The following TIAM2 variants were observed in gnomAD, a reference collection of about 807,000 sequenced individuals.
TIAM2 encodes the protein rho guanine nucleotide exchange factor TIAM2.
In TIAM2, 80 loss-of-function variants were observed where a neutral mutation model predicts 152.9. The ratio of observed to expected loss-of-function variants is 0.52; its 90% CI spans 0.44 to 0.63. TIAM2 has a LOEUF of 0.63. TIAM2 is among the 30% of genes least tolerant of loss of function. The probability of loss-of-function intolerance (pLI) is 0.00; values close to 1 mark genes in which losing one functional copy is unlikely to be tolerated. For synonymous variants in TIAM2, 804 were observed against 838.0 expected, an observed-to-expected ratio of 0.96 and a Z score of 0.70; for missense variants, 1,965 against 2,120.1, an observed-to-expected ratio of 0.93 and a Z score of 1.44.
chr6:155,156,638 A>G lies in TIAM2; in HGVS notation c.2029-7777A>G, dbSNP rs1780123163. Among the ~76,000 whole-genome samples, 1 of 152,208 alleles carries G rather than the reference A, an allele frequency of 6.6e-6. No homozygotes were observed. The highest frequency in any genetic ancestry group is 2.4e-5 in the African/African-American group (1 of 41,460). On this transcript the variant is annotated intron_variant, in intron 7 of 26. Coordinates refer to ENST00000682666, the MANE Select transcript of TIAM2 (RefSeq NM_012454.4). This position sits in a 1 kb window ranked among gnomAD's most constrained non-coding sequence, Gnocchi z 4.4. ...ACACCATTGCACTCCAGCCTGGGCA[A>G]CAGAGTGATATGTCTCAAAATAAAT... is the stretch of plus-strand genomic sequence containing the variant.
chr6:155,089,851 A>T (rs1778260099), intron 1 of TIAM2, among the ~76,000 whole-genome samples: 1 of 152,140 alleles, frequency 6.6e-6, no homozygotes, highest in South Asian at 2.1e-4. Context: ...TTTCTCTCTC[A>T]TTCACCGCTT....
At chr6:155,228,793 C>T (rs916277995) in intron 15 of TIAM2, among the ~76,000 whole-genome samples, 3 of 152,086 alleles carry the variant, frequency 2.0e-5, no homozygotes, top group African/African-American at 4.8e-5. Flanking sequence ...CACACAAGCC[C>T]GACGCTCCTC....
chr6:155,047,190 T>C (rs1777194088), intron 1 of TIAM2, among the ~76,000 whole-genome samples: 1 of 152,148 alleles, frequency 6.6e-6, no homozygotes, highest in African/African-American at 2.4e-5. Flanking sequence ...ATTTTACTTT[T>C]TTGAGATGGG....
intron 1 of TIAM2, among the ~76,000 whole-genome samples, chr6:155,064,710 G>T (rs760601433): frequency 6.6e-6 from 1 of 152,164 alleles, no homozygotes; most frequent in Non-Finnish European, 1.5e-5. Flanking sequence ...CTAATAACTT[G>T]TGTGCATGCA....
At chr6:155,007,415 C>T (rs759613132) in intron 1 of TIAM2, among the ~76,000 whole-genome samples, 2 of 148,012 alleles carry the variant, frequency 1.4e-5, no homozygotes, top group African/African-American at 2.5e-5. Flanking sequence ...GAGGGAGTCT[C>T]GCTCTGTCGC....
At chr6:155,253,681 T>C (rs559871260) in intron 24 of TIAM2, 15 of 285,278 alleles carry the variant, frequency 5.3e-5, no homozygotes, top group African/African-American at 2.4e-4. Context: ...GCAAAGGAGG[T>C]TGAAGAATAG....
chr6:155,007,034 C>G (rs1328746751), intron 1 of TIAM2, among the ~76,000 whole-genome samples: 1 of 152,192 alleles, frequency 6.6e-6, no homozygotes, highest in Non-Finnish European at 1.5e-5. Context: ...CCATGTTGCT[C>G]AGGCTGGTCT....
At chr6:155,029,417 C>G (rs866921953) in intron 1 of TIAM2, among the ~76,000 whole-genome samples, 8 of 72,472 alleles carry the variant, frequency 1.1e-4, no homozygotes, top group African/African-American at 2.2e-4. Context: ...ATAATATATA[C>G]TATATATACT....
rs1166707623 is a variant in TIAM2 at position 155,023,247 on chromosome 6, A to AGGTACCT, written c.-209+27758_-209+27764dup. 5.3e-5 allele frequency among the ~76,000 whole-genome samples: 8 copies of AGGTACCT among 152,150 alleles called. 1 individual carries two copies. The highest frequency in any genetic ancestry group is 4.4e-5 in the Non-Finnish European group (3 of 68,032). ...TGGGAATCTCTGCTCTAGAAGTTGC[A>AGGTACCT]GGTACCTGGCACCTGGCTCCCTTTA... On this transcript the variant is annotated intron_variant, in intron 1 of 26. Transcript: ENST00000682666.
chr6:155,018,542 CA>C (rs1487842505), intron 1 of TIAM2, among the ~76,000 whole-genome samples: 1 of 151,186 alleles, frequency 6.6e-6, no homozygotes, highest in Non-Finnish European at 1.5e-5. Context: ...TTGCTTGAAC[CA>C]GGGGGGCGGA....
chr6:155,129,335 A>G lies in TIAM2; in HGVS notation c.112A>G (p.Lys38Glu), dbSNP rs143143422. ...CCTGAAAATACGTGGCATTCATGCA[A>G]AAGAGGAAAAGTCATTGCATGGATG... Reference protein sequence around the residue: ...CSLKIRGIHAKEEKSLHGWGH... With the variant: ...CSLKIRGIHAEEEKSLHGWGH... Residue 38 changes from lysine (K) to glutamate (E), a missense_variant, in exon 4 of 27, where the codon AAA (lysine) becomes GAA (glutamate). Coordinates refer to ENST00000682666, the MANE Select transcript of TIAM2 (RefSeq NM_012454.4). This position sits in a 1 kb window ranked among gnomAD's most constrained non-coding sequence, Gnocchi z 4.8. 8.7e-6 allele frequency: 14 copies of G among 1,614,098 alleles called. No individual in the cohort carries two copies. Among genetic ancestry groups the G allele is most frequent in the African/African-American group, 6.7e-5 (5 of 74,946 alleles).
At chr6:155,087,578 G>C (rs1273094739) in intron 1 of TIAM2, among the ~76,000 whole-genome samples, 1 of 152,006 alleles carries the variant, frequency 6.6e-6, no homozygotes, top group Non-Finnish European at 1.5e-5. Flanking sequence ...GTGAAACCCT[G>C]TCTCTACTAC....
At chr6:155,131,533 G>T (rs1197840619) in intron 4 of TIAM2, among the ~76,000 whole-genome samples, 1 of 150,750 alleles carries the variant, frequency 6.6e-6, no homozygotes, top group Admixed American at 6.6e-5. Context: ...GCTTAAGTTG[G>T]TACATCAAAA....
intron 14 of TIAM2, among the ~76,000 whole-genome samples, chr6:155,185,107 A>C (rs1346990989): frequency 3.3e-5 from 5 of 149,908 alleles, no homozygotes; most frequent in Non-Finnish European, 7.4e-5. Context: ...GAAAGTAGAG[A>C]AAGGGGCAAA....
chr6:155,185,481 T>C (rs1057014588), intron 14 of TIAM2, among the ~76,000 whole-genome samples: 3 of 149,736 alleles, frequency 2.0e-5, no homozygotes, highest in Non-Finnish European at 4.4e-5. Flanking sequence ...AGCAGGTGAG[T>C]TAAGCCACTT....
intron 14 of TIAM2, among the ~76,000 whole-genome samples, chr6:155,187,212 G>A (rs555838038): frequency 1.3e-5 from 2 of 152,090 alleles, no homozygotes; most frequent in South Asian, 4.1e-4. Flanking sequence ...TGAAGTTTAC[G>A]TTGCTTAACT....
intron 7 of TIAM2, among the ~76,000 whole-genome samples, chr6:155,154,393 AGCTACATACGGTCAGTGGTGACAT>A (rs1471799433): frequency 6.6e-6 from 1 of 152,142 alleles, no homozygotes; most frequent in African/African-American, 2.4e-5. Context: ...ATACCGGCTG[AGCTACATACGGTCAGTGGTGACAT>A]GCTCTGGCCG....
chr6:155,011,597 CTG>C (rs754589629), intron 1 of TIAM2, among the ~76,000 whole-genome samples: 1 of 152,196 alleles, frequency 6.6e-6, no homozygotes, highest in Non-Finnish European at 1.5e-5. Flanking sequence ...TGCCCTGTGA[CTG>C]GTATATAATT....
rs1397943191 is a variant in TIAM2, at chr6:155,047,701, GA to G, written c.-208-42587del. ...GAGAGAGAGAGAGGAGAGAGAGAGAGAGAGCGAGAGAGAGAGAGAGAGAGCG... is the reference window on the plus strand; with the variant it reads ...GAGAGAGAGAGAGGAGAGAGAGAGAGGAGCGAGAGAGAGAGAGAGAGAGCG... On this transcript the variant is annotated intron_variant, in intron 1 of 26. Transcript: ENST00000682666. 3.6e-3 allele frequency among the ~76,000 whole-genome samples: 65 copies of G among 18,160 alleles called. 4 individuals carry two copies. The highest frequency in any genetic ancestry group is 8.5e-3 in the African/African-American group (34 of 3,978). 11.9% of individuals were successfully genotyped at this position (18,160 alleles called of 152,430 possible). A position where few individuals can be genotyped will look rare whatever the true frequency, so the allele number is the denominator to read the frequency against.
Sources: gnomAD v4.1 joint callset for allele counts (sites outside exome capture counted in the v4.1 genomes callset) on GRCh38, gnomAD v4.1.1 for gene constraint, Gnocchi (gnomAD v3.1) non-coding constraint, MANE v1.5 for transcripts, NCBI Gene and HGNC (gene_info 2026-07-23, HGNC 2026-07-21) for gene names.